The following GNPDA2 variants were observed in gnomAD, a reference collection of about 807,000 sequenced individuals.
GNPDA2 encodes glucosamine-6-phosphate deaminase 2, also known as glcN6P deaminase 2.
GNPDA2 carries 24 observed loss-of-function variants against 27.0 expected under a neutral mutation model. The ratio of observed to expected loss-of-function variants is 0.89; its 90% CI spans 0.64 to 1.25. The LOEUF (loss-of-function observed/expected upper bound fraction) is 1.25, where lower values mean the gene tolerates loss of function less well. Among genes scored for constraint, GNPDA2 ranks in the 50% most tolerant of loss-of-function variants. GNPDA2 has a pLI of 0.00. For missense variants in GNPDA2, 286 were observed against 335.1 expected (o/e 0.85, Z 1.14); for synonymous variants, 94 against 108.4 (o/e 0.87, Z 0.83).
intron 2 of GNPDA2, among the ~76,000 whole-genome samples, chr4:44,721,069 C>A (rs1241786133): frequency 1.3e-5 from 2 of 149,830 alleles, no homozygotes; most frequent in African/African-American, 4.9e-5. Flanking sequence ...AAAAAAAAAA[C>A]CCTTTTGCCA....
Position 44,722,238 on chromosome 4 carries a change from C to T in GNPDA2, c.-31G>A. ...TGACGCACAGCTTCCAGAACAAGTT[C>T]AAACCTGAGAAAAGTCCATTGTAGA... is the stretch of plus-strand genomic sequence containing the variant. On this transcript the variant is annotated 5_prime_UTR_variant, in exon 2 of 7. Transcript: ENST00000295448. The T allele has an allele frequency of 6.2e-7, 1 of 1,607,242 alleles. No homozygotes were observed. Among genetic ancestry groups the T allele is most frequent in the Non-Finnish European group, 8.5e-7 (1 of 1,177,110 alleles).
chr4:44,723,643 G>A (rs757077160), intron 1 of GNPDA2, among the ~76,000 whole-genome samples: 1 of 152,102 alleles, frequency 6.6e-6, no homozygotes, highest in Non-Finnish European at 1.5e-5. Flanking sequence ...TGGACACTCA[G>A]GTTGATTTCT....
chr4:44,707,655 T>C lies in GNPDA2; in HGVS notation c.769+97A>G, dbSNP rs555145360. On this transcript the variant is annotated intron_variant, in intron 6 of 6. Transcript: ENST00000295448. ...CTAGCTATGTGTTGCCACTTTTCAATAGGTCACAGTGTGAGATTTAACCCC... is the reference window on the plus strand; with the variant it reads ...CTAGCTATGTGTTGCCACTTTTCAACAGGTCACAGTGTGAGATTTAACCCC... The C allele has an allele frequency of 1.0e-4, 102 of 1,020,262 alleles. No individual in the cohort carries two copies. The African/African-American group carries it at 1.4e-3, about 14-fold the overall frequency. 63.2% of individuals were successfully genotyped at this position (1,020,262 alleles called of 1,614,324 possible).
chr4:44,725,359 G>A (rs1717945012), intron 1 of GNPDA2, among the ~76,000 whole-genome samples: 3 of 152,306 alleles, frequency 2.0e-5, no homozygotes, highest in African/African-American at 7.2e-5. Context: ...AGCCAAAGAT[G>A]TCTTACCGGT....
rs1352341555 is a variant in GNPDA2 at position 44,702,535 on chromosome 4, T to C, written c.*546A>G. The C allele has an allele frequency of 3.0e-6, 3 of 986,394 alleles. No individual in the cohort carries two copies. The highest frequency in any genetic ancestry group is 3.6e-6 in the Non-Finnish European group (3 of 830,344). The allele number at this position is 986,394 out of a possible 1,614,324, so 61.1% of individuals were successfully genotyped here. A position where few individuals can be genotyped will look rare whatever the true frequency, so the allele number is the denominator to read the frequency against. ...CTGTACTTTTAGGCACTGTCATCTC[T>C]TCAAATTTCCTTTACCAATGATATA... On this transcript the variant is annotated 3_prime_UTR_variant, in exon 7 of 7. Coordinates refer to ENST00000295448, the MANE Select transcript of GNPDA2 (RefSeq NM_138335.3).
At chr4:44,707,644 C>A in intron 6 of GNPDA2, 108 bp downstream of exon 6, 1 of 893,056 alleles carries the variant, frequency 1.1e-6, no homozygotes, top group Non-Finnish European at 1.7e-6. Context: ...CTATGTGTTG[C>A]CACTTTTCAA....
intron 4 of GNPDA2, among the ~76,000 whole-genome samples, chr4:44,716,202 T>C (rs13102554): frequency 0.98 from 149,180 of 152,050 alleles, 73,249 homozygotes; most frequent in Non-Finnish European, 1. Context: ...TTTCCCCCAA[T>C]GATAATCAAC....
chr4:44,711,334 TG>T (rs1456699437), intron 4 of GNPDA2, among the ~76,000 whole-genome samples, 197 bp from the exon 5 acceptor site: 1 of 152,220 alleles, frequency 6.6e-6, no homozygotes, highest in African/African-American at 2.4e-5. Context: ...TGAGCTGGCA[TG>T]ATTCTAATAG....
intron 4 of GNPDA2, 74 bp from the exon 5 acceptor site, chr4:44,711,211 CAAAAA>C: frequency 1.2e-6 from 1 of 856,080 alleles, no homozygotes; most frequent in Non-Finnish European, 1.6e-6. Flanking sequence ...CGTTAAAGAA[CAAAAA>C]AAAAATCACC....
intron 2 of GNPDA2, among the ~76,000 whole-genome samples, chr4:44,720,711 G>A (rs138515749): frequency 1.2e-3 from 182 of 152,164 alleles, no homozygotes; most frequent in African/African-American, 4.1e-3. Flanking sequence ...TTAACTTGTC[G>A]ATGGTCAATG....
chr4:44,714,686 G>A, intron 4 of GNPDA2: 1 of 984,354 alleles, frequency 1.0e-6, no homozygotes, highest in South Asian at 4.7e-5. Flanking sequence ...GTAGTTGTAA[G>A]ACCCAGATGC....
chr4:44,703,450 T>A, intron 6 of GNPDA2: 1 of 1,094,384 alleles, frequency 9.1e-7, no homozygotes, highest in Non-Finnish European at 1.1e-6. Flanking sequence ...GAATACTGAC[T>A]TAGATAATAG....
chr4:44,703,707 T>C lies in GNPDA2; in HGVS notation c.770-565A>G, dbSNP rs530040932. 11 of 983,490 alleles carry C rather than the reference T, an allele frequency of 1.1e-5. No individual in the cohort carries two copies. In the African/African-American group the frequency reaches 1.2e-4, roughly 11 times the overall value. The allele number at this position is 983,490 out of a possible 1,614,324, so 60.9% of individuals were successfully genotyped here. A position where few individuals can be genotyped will look rare whatever the true frequency, so the allele number is the denominator to read the frequency against. On this transcript the variant is annotated intron_variant, in intron 6 of 6. Transcript: ENST00000295448. ...CTGTATTAAATCATTTAATTCAGAA[T>C]AGAAATTACGATTTTAAATCCGGTA... is the stretch of plus-strand genomic sequence containing the variant.
At position 44,702,925 on chromosome 4, in the gene GNPDA2, TATTCAAAATATGGAATGTTTAAC is replaced by T; in HGVS notation, c.*133_*155del. 16 of 1,462,192 alleles carry T rather than the reference TATTCAAAATATGGAATGTTTAAC, an allele frequency of 1.1e-5. No homozygotes were observed. The highest frequency in any genetic ancestry group is 1.4e-5 in the Non-Finnish European group (16 of 1,117,476). The allele number at this position is 1,462,192 out of a possible 1,614,324, so 90.6% of individuals were successfully genotyped here. ...CTTAAACCCAAGTACAAGATATAAA[TATTCAAAATATGGAATGTTTAAC>T]ATAGAGACTCGAATGAAAAAATGAC... On this transcript the variant is annotated 3_prime_UTR_variant, in exon 7 of 7. Transcript: ENST00000295448.
intron 1 of GNPDA2, among the ~76,000 whole-genome samples, chr4:44,725,017 G>A (rs990702908): frequency 1.3e-5 from 2 of 152,152 alleles, no homozygotes; most frequent in African/African-American, 4.8e-5. Context: ...ATGGCCAGCT[G>A]ATTGTTAATA....
At chr4:44,719,871 CCTA>C (rs1378889535) in intron 2 of GNPDA2, among the ~76,000 whole-genome samples, 1 of 151,926 alleles carries the variant, frequency 6.6e-6, no homozygotes, top group Non-Finnish European at 1.5e-5. Flanking sequence ...TTAGCAAGTA[CCTA>C]CTATGATTTA....
intron 6 of GNPDA2, chr4:44,704,507 A>C (rs901424571): frequency 1.4e-6 from 1 of 708,422 alleles, no homozygotes; most frequent in Non-Finnish European, 1.7e-6. Flanking sequence ...TTTACATTGG[A>C]TATATCTTTT....
chr4:44,720,613 A>G (rs1192090994), intron 2 of GNPDA2, among the ~76,000 whole-genome samples: 1 of 152,122 alleles, frequency 6.6e-6, no homozygotes, highest in African/African-American at 2.4e-5. Flanking sequence ...ATTGCGCTTG[A>G]TAGGGAGATA....
intron 2 of GNPDA2, among the ~76,000 whole-genome samples, chr4:44,721,470 AG>A: frequency 6.6e-6 from 1 of 152,274 alleles, no homozygotes; most frequent in Admixed American, 6.5e-5. Context: ...GGTCAAATAA[AG>A]TGCCATAAGA....
Sources: allele counts gnomAD v4.1 joint callset (sites outside exome capture counted in the v4.1 genomes callset), GRCh38; gene constraint gnomAD v4.1.1; transcripts MANE v1.5; gene names NCBI Gene and HGNC (gene_info 2026-07-23, HGNC 2026-07-21).